ANKS1B: variants seen among roughly 807,000 people sequenced by gnomAD.
ANKS1B encodes ankyrin repeat and sterile alpha motif domain containing 1B.
ANKS1B carries 36 observed loss-of-function variants against 148.3 expected under a neutral mutation model. The ratio of observed to expected loss-of-function variants is 0.24; its 90% CI spans 0.19 to 0.32. The LOEUF (loss-of-function observed/expected upper bound fraction) is 0.32. Among genes scored for constraint, ANKS1B ranks in the 10% least tolerant of loss-of-function variants. The pLI, the probability that ANKS1B is intolerant of heterozygous loss-of-function variation, is 1.00. For synonymous variants in ANKS1B, 542 were observed against 560.8 expected (o/e 0.97, Z 0.47); for missense variants, 1,157 against 1,542.6 (o/e 0.75, Z 4.19).
intron 17 of ANKS1B, among the ~76,000 whole-genome samples, chr12:98,850,625 G>A (rs144986951): frequency 2.0e-5 from 3 of 151,650 alleles, no homozygotes; most frequent in Admixed American, 6.6e-5. Context: ...ACGCCGCCAC[G>A]CTCAGCTAAT....
Position 98,781,153 on chromosome 12 carries a change from T to A in ANKS1B, c.3405A>T (p.Ser1135=). ...KKVPTIILSV[S]YKGVKFIDAT... is the part of the protein sequence containing the mutation. The stretch of plus-strand genomic sequence containing the variant: ...CATCAATAAATTTGACTCCTTTATA[T>A]GAGACAGAAAGAATAATAGTAGGGA... Residue 1135 remains serine, a synonymous_variant, in exon 24 of 27, where the codon TCA becomes TCT. Transcript: ENST00000683438. The A allele has an allele frequency of 3.2e-6, 5 of 1,585,876 alleles. No homozygotes were observed. The highest frequency in any genetic ancestry group is 4.3e-6 in the Non-Finnish European group (5 of 1,164,060).
At chr12:99,241,680 C>G (rs1194284075) in intron 14 of ANKS1B, among the ~76,000 whole-genome samples, 1 of 152,232 alleles carries the variant, frequency 6.6e-6, no homozygotes, top group Admixed American at 6.5e-5. Flanking sequence ...TCCAGCAGCA[C>G]ATCAAGAAGC....
intron 17 of ANKS1B, chr12:98,895,433 T>A: frequency 2.3e-6 from 1 of 439,888 alleles, no homozygotes; most frequent in Non-Finnish European, 3.0e-6. Flanking sequence ...CCGCTGTTAC[T>A]GCGGTCGCCG....
chr12:98,938,951 A>C (rs1335322593), intron 17 of ANKS1B, among the ~76,000 whole-genome samples: 1 of 152,268 alleles, frequency 6.6e-6, no homozygotes, highest in African/African-American at 2.4e-5. Context: ...GAGTTTTAAC[A>C]AGATAACATA....
intron 17 of ANKS1B, chr12:98,893,754 C>G (rs1385321168): frequency 2.0e-5 from 3 of 152,266 alleles, no homozygotes; most frequent in African/African-American, 4.8e-5. Flanking sequence ...CTCAGTTGCT[C>G]AGAGAGGAGA....
chr12:99,809,170 T>C (rs1337942018), intron 3 of ANKS1B, among the ~76,000 whole-genome samples: 2 of 152,142 alleles, frequency 1.3e-5, no homozygotes, highest in African/African-American at 4.8e-5. Flanking sequence ...TTTAATTCCT[T>C]CTTTTTTACC....
chr12:99,892,672 T>C (rs1389220242), intron 1 of ANKS1B, among the ~76,000 whole-genome samples: 2 of 152,130 alleles, frequency 1.3e-5, no homozygotes, highest in East Asian at 3.9e-4. Context: ...TTTAAGAAAA[T>C]GAACCTCCAG....
chr12:99,506,647 G>A (rs1481844394), intron 9 of ANKS1B, among the ~76,000 whole-genome samples: 1 of 151,934 alleles, frequency 6.6e-6, no homozygotes, highest in Non-Finnish European at 1.5e-5. Context: ...AGGGGGGATG[G>A]AGAAAAGTTG....
intron 17 of ANKS1B, among the ~76,000 whole-genome samples, chr12:98,960,748 A>G (rs1395396615): frequency 3.9e-5 from 6 of 152,212 alleles, no homozygotes; most frequent in Admixed American, 3.9e-4. Flanking sequence ...AAATGCAATG[A>G]AATTCAAGAT....
chr12:99,226,524 T>C (rs1036906385), intron 14 of ANKS1B, among the ~76,000 whole-genome samples: 1 of 152,204 alleles, frequency 6.6e-6, no homozygotes, highest in Non-Finnish European at 1.5e-5. Context: ...AGGGTATATA[T>C]CTTACATATA....
Position 99,909,395 on chromosome 12 carries a change from G to A in ANKS1B, c.134+74709C>T, listed in dbSNP as rs113547696. 2.2e-3 allele frequency among the ~76,000 whole-genome samples: 331 copies of A among 152,160 alleles called. 1 individual carries two copies. Among genetic ancestry groups the A allele is most frequent in the African/African-American group, 7.6e-3 (316 of 41,494 alleles). Reference sequence around the variant, plus strand: ...TTGACAAGGTGCTGACTTCATTTCCGTTGGATACATACCCACAAGAGGGAC... The same window carrying A: ...TTGACAAGGTGCTGACTTCATTTCCATTGGATACATACCCACAAGAGGGAC... On this transcript the variant is annotated intron_variant, in intron 1 of 26. Transcript: ENST00000683438.
At chr12:99,356,802 C>G (rs7970017) in intron 12 of ANKS1B, among the ~76,000 whole-genome samples, 16,461 of 151,980 alleles carry the variant, frequency 0.11, 903 homozygotes, top group Non-Finnish European at 0.13. Flanking sequence ...AAAACCGAAG[C>G]CAGTTAAGTC....
chr12:99,234,546 C>T (rs2087507084), intron 14 of ANKS1B, among the ~76,000 whole-genome samples: 1 of 152,160 alleles, frequency 6.6e-6, no homozygotes, highest in African/African-American at 2.4e-5. Flanking sequence ...ATGACCACAG[C>T]AGCAAACACA....
In ANKS1B at chr12:99,401,279, G is replaced by A. The variant is rs116422412; in HGVS notation, c.1576-1468C>T. Among the ~76,000 whole-genome samples, 1,143 of 146,066 alleles carry A rather than the reference G, an allele frequency of 7.8e-3. 177 individuals carry two copies. Among genetic ancestry groups the A allele is most frequent in the African/African-American group, 0.028 (1,090 of 38,574 alleles). ...GCTGAATCTCAATTTCACATTCAATGTCCTTTCCACCACATTCTATAATAG... is the reference window on the plus strand; with the variant it reads ...GCTGAATCTCAATTTCACATTCAATATCCTTTCCACCACATTCTATAATAG... On this transcript the variant is annotated intron_variant, in intron 11 of 26. Transcript: ENST00000683438.
At chr12:99,694,125 T>C (rs761206278) in intron 8 of ANKS1B, among the ~76,000 whole-genome samples, 3 of 149,716 alleles carry the variant, frequency 2.0e-5, no homozygotes, top group Non-Finnish European at 3.0e-5. Context: ...AATAATTTTC[T>C]ATAAAAGCAT....
intron 19 of ANKS1B, among the ~76,000 whole-genome samples, chr12:98,811,732 G>C (rs2099097954): frequency 6.6e-6 from 1 of 152,098 alleles, no homozygotes; most frequent in Non-Finnish European, 1.5e-5. Flanking sequence ...ACAGGGGCAG[G>C]GCAGGATTCA....
intron 14 of ANKS1B, among the ~76,000 whole-genome samples, chr12:99,226,517 G>T (rs2085958507): frequency 6.6e-6 from 1 of 152,146 alleles, no homozygotes; most frequent in Non-Finnish European, 1.5e-5. Context: ...ATTGTCTAGG[G>T]TATATATCTT....
At chr12:99,570,630 A>G in intron 9 of ANKS1B, among the ~76,000 whole-genome samples, 1 of 148,758 alleles carries the variant, frequency 6.7e-6, no homozygotes, top group African/African-American at 2.5e-5. Flanking sequence ...TGAGCGACGG[A>G]GCGAGACTTC....
intron 15 of ANKS1B, among the ~76,000 whole-genome samples, chr12:99,113,948 T>G (rs1266607248): frequency 2.0e-5 from 3 of 152,338 alleles, no homozygotes; most frequent in Non-Finnish European, 4.4e-5. Context: ...TTCCATATAC[T>G]CTAGGTTTTA....
Sources: gnomAD v4.1 joint callset for allele counts (sites outside exome capture counted in the v4.1 genomes callset) on GRCh38, gnomAD v4.1.1 for gene constraint, MANE v1.5 for transcripts, NCBI Gene and HGNC (gene_info 2026-07-23, HGNC 2026-07-21) for gene names.